Variants in NRIP1 observed in about 807,000 individuals in gnomAD.
NRIP1 encodes nuclear receptor interacting protein 1, also known as nuclear receptor-interacting protein 1.
A neutral mutation model predicts 75.0 loss-of-function variants in NRIP1; 28 were observed. The observed-to-expected ratio is 0.37, with a 90% CI of 0.28 to 0.51. NRIP1 has a LOEUF of 0.51. Among genes scored for constraint, NRIP1 ranks in the 20% least tolerant of loss-of-function variants. The pLI is 0.92. For synonymous variants in NRIP1, 526 were observed against 487.6 expected (o/e 1.08, Z -1.04); for missense variants, 1,435 against 1,343.7 (o/e 1.07, Z -1.06).
chr21:15,026,337 C>T (rs891537942), intron 2 of NRIP1, among the ~76,000 whole-genome samples: 8 of 152,146 alleles, frequency 5.3e-5, no homozygotes, highest in Non-Finnish European at 1.0e-4. Context: ...GATCATAATA[C>T]GATGCCACTG....
chr21:15,034,072 C>A lies in NRIP1; in HGVS notation c.-458+9423G>T, dbSNP rs10482864. Among the ~76,000 whole-genome samples the A allele has an allele frequency of 0.015, 2,343 of 152,288 alleles. 180 individuals carry two copies. In the East Asian group the frequency reaches 0.22, roughly 14 times the overall value. On this transcript the variant is annotated intron_variant, in intron 2 of 3. Transcript: ENST00000318948. The stretch of plus-strand genomic sequence containing the variant: ...TCTGGCAATTTCTATTGCAAATTCA[C>A]CAAATCCCTTGCTTTTGTTACTACC...
intron 1 of NRIP1, among the ~76,000 whole-genome samples, chr21:15,056,948 T>G (rs2089321023): frequency 6.6e-6 from 1 of 152,182 alleles, no homozygotes; most frequent in African/African-American, 2.4e-5. Context: ...GTACCTGGTA[T>G]GTACTTAAAA....
intron 3 of NRIP1, among the ~76,000 whole-genome samples, chr21:14,987,296 G>A (rs557056750): frequency 1.3e-5 from 2 of 152,200 alleles, no homozygotes; most frequent in Non-Finnish European, 2.9e-5. Flanking sequence ...TAGCCACAGA[G>A]TCGCTGCTCA....
intron 1 of NRIP1, among the ~76,000 whole-genome samples, chr21:15,064,444 C>A (rs975005924): frequency 2.0e-5 from 3 of 152,100 alleles, no homozygotes; most frequent in Non-Finnish European, 4.4e-5. Context: ...CCCCCCGAGT[C>A]CGGCCCCGCT....
At chr21:14,984,371 T>G (rs2087332148) in intron 3 of NRIP1, among the ~76,000 whole-genome samples, 1 of 151,476 alleles carries the variant, frequency 6.6e-6, no homozygotes, top group African/African-American at 2.4e-5. Context: ...TTGCGGGTTT[T>G]TTTTTTTTTT....
At chr21:15,027,037 T>TA (rs1000658980) in intron 2 of NRIP1, among the ~76,000 whole-genome samples, 51 of 151,418 alleles carry the variant, frequency 3.4e-4, no homozygotes, top group Non-Finnish European at 6.3e-4. Flanking sequence ...AAAACTAAAT[T>TA]AAAAAAAAAT....
At chr21:15,058,360 C>T (rs555834720) in intron 1 of NRIP1, among the ~76,000 whole-genome samples, 51 of 152,188 alleles carry the variant, frequency 3.4e-4, no homozygotes, top group Non-Finnish European at 5.7e-4. Flanking sequence ...GAGAGTTTCA[C>T]ATGTTTCCAA....
At chr21:14,975,291 C>T (rs138242635) in intron 3 of NRIP1, among the ~76,000 whole-genome samples, 9 of 152,176 alleles carry the variant, frequency 5.9e-5, no homozygotes, top group African/African-American at 1.7e-4. Flanking sequence ...GAAATATCTT[C>T]GTTTGTCAAC....
chr21:15,050,814 A>G (rs1339155463), intron 1 of NRIP1: 1 of 455,922 alleles, frequency 2.2e-6, no homozygotes, highest in African/African-American at 2.0e-5. Context: ...CATGCAAACT[A>G]AACAATCCAC....
rs1392143579 is a variant in NRIP1, at chr21:14,968,216, G to A, written c.-24C>T. 3.3e-6 allele frequency: 5 copies of A among 1,524,400 alleles called. No individual in the cohort carries two copies. In the Admixed American group the frequency reaches 5.8e-5, roughly 18 times the overall value. 94.4% of individuals were successfully genotyped at this position (1,524,400 alleles called of 1,614,324 possible). On this transcript the variant is annotated 5_prime_UTR_variant, in exon 4 of 4. Transcript: ENST00000318948. The stretch of plus-strand genomic sequence containing the variant: ...ATGTTCAATAGAAGTGTTCACAAGG[G>A]CTTGGTTTCTATTCACTTTAAAGAA...
intron 2 of NRIP1, among the ~76,000 whole-genome samples, chr21:15,042,142 T>C (rs993763320): frequency 2.0e-5 from 3 of 152,196 alleles, no homozygotes; most frequent in Non-Finnish European, 4.4e-5. Context: ...TAAAAACCAA[T>C]TTTTGTATTA....
intron 1 of NRIP1, chr21:15,050,985 T>C (rs2089188996): frequency 1.4e-5 from 6 of 440,884 alleles, no homozygotes; most frequent in Non-Finnish European, 2.7e-5. Flanking sequence ...TTAGTAGTAG[T>C]AGCAGTAGCA....
intron 3 of NRIP1, among the ~76,000 whole-genome samples, chr21:14,991,779 G>T (rs1408237104): frequency 6.6e-6 from 1 of 152,296 alleles, no homozygotes; most frequent in East Asian, 1.9e-4. Flanking sequence ...ATAAAAGGAA[G>T]CAAGGTCACT....
At position 15,014,453 on chromosome 21, in the gene NRIP1, A is replaced by T. The variant is rs2088178329; in HGVS notation, c.-444T>A. 2.5e-6 allele frequency: 1 copy of T among 398,334 alleles called. No individual in the cohort carries two copies. The highest frequency in any genetic ancestry group is 4.4e-6 in the Non-Finnish European group (1 of 225,948). 24.7% of individuals were successfully genotyped at this position (398,334 alleles called of 1,614,324 possible). ...GTCTTCAGATTCCCTGTCCTCCTTC[A>T]GTCAAGTGTGCATCTTAACAAGAGG... On this transcript the variant is annotated 5_prime_UTR_variant, in exon 3 of 4. Coordinates refer to ENST00000318948, the MANE Select transcript of NRIP1 (RefSeq NM_003489.4).
rs189106219 is a variant in NRIP1 at position 15,047,620 on chromosome 21, G to A, written c.-537-4046C>T. On this transcript the variant is annotated intron_variant, in intron 1 of 3. Coordinates refer to ENST00000318948, the MANE Select transcript of NRIP1 (RefSeq NM_003489.4). ...TCACTATCACGAGAACAGCATGGGG[G>A]TAACTGCCTCCATGATTCAATTACC... is the stretch of plus-strand genomic sequence containing the variant. Among the ~76,000 whole-genome samples, 989 of 152,260 alleles carry A rather than the reference G, an allele frequency of 6.5e-3. 9 individuals are homozygous for A. The highest frequency in any genetic ancestry group is 0.023 in the African/African-American group (960 of 41,546).
chr21:15,059,880 A>G (rs2089387070), intron 1 of NRIP1, among the ~76,000 whole-genome samples: 2 of 152,164 alleles, frequency 1.3e-5, no homozygotes, highest in Admixed American at 1.3e-4. Flanking sequence ...CTAAATGTTT[A>G]TCCATAGCAT....
upstream of NRIP1, chr21:15,065,147 CT>C (rs1235367607): frequency 6.6e-6 from 1 of 152,458 alleles, no homozygotes; most frequent in Non-Finnish European, 1.5e-5. Flanking sequence ...TTTTCTCCCC[CT>C]CCCTCCCATT....
At chr21:15,027,567 C>G (rs1183470138) in intron 2 of NRIP1, among the ~76,000 whole-genome samples, 1 of 152,142 alleles carries the variant, frequency 6.6e-6, no homozygotes, top group Non-Finnish European at 1.5e-5. Context: ...AAACTTATAG[C>G]TTGGTCAATC....
chr21:15,037,110 A>C (rs568226128), intron 2 of NRIP1, among the ~76,000 whole-genome samples: 1 of 152,314 alleles, frequency 6.6e-6, no homozygotes, highest in South Asian at 2.1e-4. Flanking sequence ...TCAGGTAAGG[A>C]ACATTAAAAG....
Sources: allele counts gnomAD v4.1 joint callset (sites outside exome capture counted in the v4.1 genomes callset), GRCh38; gene constraint gnomAD v4.1.1; transcripts MANE v1.5; gene names NCBI Gene and HGNC (gene_info 2026-07-23, HGNC 2026-07-21).